The following CYP2A7 variants were observed in gnomAD, a reference collection of about 807,000 sequenced individuals.
The protein encoded by CYP2A7 is cytochrome P450 family 2 subfamily A member 7.
Under a neutral mutation model 42.0 loss-of-function variants are expected in CYP2A7, and 36 were observed. That is an observed-to-expected ratio of 0.86 (90% CI 0.66 to 1.13). CYP2A7 has a LOEUF of 1.13. Among genes scored for constraint, CYP2A7 ranks in the 50% most tolerant of loss-of-function variants. The pLI is 0.00. For synonymous variants in CYP2A7, 260 were observed against 249.5 expected (o/e 1.04, Z -0.40); for missense variants, 661 against 634.1 (o/e 1.04, Z -0.46).
chr19:40,879,757 G>C (rs1426063432), intron 4 of CYP2A7, among the ~76,000 whole-genome samples: 1 of 151,356 alleles, frequency 6.6e-6, no homozygotes, highest in Non-Finnish European at 1.5e-5. Flanking sequence ...CATTTGTCCA[G>C]GTGTTAAAAT....
chr19:40,877,354 T>C lies in CYP2A7; in HGVS notation c.997A>G (p.Arg333Gly), dbSNP rs1207072557. 1 of 1,612,536 alleles carries C rather than the reference T, an allele frequency of 6.2e-7. No individual in the cohort carries two copies. The highest frequency in any genetic ancestry group is 8.5e-7 in the Non-Finnish European group (1 of 1,179,028). ...VEAKVHEEIDRVIGKNRQPKF... is the reference protein window; with the variant it reads ...VEAKVHEEIDGVIGKNRQPKF... ...GGCTGCCGGTTCTTGCCGATCACTC[T>C]GTCAATCTCCTCATGGACCTTGGCT... is the stretch of plus-strand genomic sequence containing the variant. Residue 333 changes from arginine (R) to glycine (G), a missense_variant, in exon 7 of 9, where the codon AGA becomes GGA. This residue lies in a region of CYP2A7 where 614 missense variants were observed against 552.4 expected (regional missense o/e 1.11). Coordinates refer to ENST00000301146, the MANE Select transcript of CYP2A7 (RefSeq NM_000764.3).
Position 40,877,891 on chromosome 19 carries a change from A to G in CYP2A7, c.934T>C (p.Tyr312His). ...TGCTTCATGAGCAGCAAGAAGCCAT[A>G]GCGCAGGGTGGTGCTGACCGTCTCG... ...GTETVSTTLR[Y>H]GFLLLMKHPE... Residue 312 changes from tyrosine to histidine, a missense_variant, in exon 6 of 9, where the codon TAT becomes CAT. Coordinates refer to ENST00000301146, the MANE Select transcript of CYP2A7 (RefSeq NM_000764.3). 4 of 1,611,108 alleles carry G rather than the reference A, an allele frequency of 2.5e-6. No individual in the cohort carries two copies. The highest frequency in any genetic ancestry group is 3.4e-6 in the Non-Finnish European group (4 of 1,178,536).
intron 2 of CYP2A7, among the ~76,000 whole-genome samples, 196 bp from the exon 3 acceptor site, chr19:40,880,824 A>G (rs1204170454): frequency 1.3e-5 from 1 of 76,948 alleles, no homozygotes. Flanking sequence ...AGAGAGAGAG[A>G]GAGAGAGAGA....
At chr19:40,878,706 C>G (rs777198383) in intron 5 of CYP2A7, 54 bp downstream of exon 5, 3 of 1,597,958 alleles carry the variant, frequency 1.9e-6, no homozygotes, top group Non-Finnish European at 1.7e-6. Flanking sequence ...CACTCCCAGT[C>G]TGATTTCCCT....
In CYP2A7 at chr19:40,876,635, G is replaced by C; in HGVS notation, c.1195C>G (p.Leu399Val). 6.2e-7 allele frequency: 1 copy of C among 1,613,032 alleles called. No individual in the cohort carries two copies. The highest frequency in any genetic ancestry group is 8.5e-7 in the Non-Finnish European group (1 of 1,179,264). The change falls in exon 8 of 9, where the codon CTG becomes GTG. Residue 399 changes from leucine (L) to valine (V), a missense_variant. Transcript: ENST00000301146. ...TTGGAGAAGAAGCTGGGGTCTCTCA[G>C]CACGGAGCCCAGCATAGGGAACACT... is the stretch of plus-strand genomic sequence containing the variant. ...TEVFPMLGSVLRDPSFFSNPQ... is the reference protein window; with the variant it reads ...TEVFPMLGSVVRDPSFFSNPQ...
Position 40,875,765 on chromosome 19 carries a change from A to G in CYP2A7, c.1413T>C (p.Ile471=), listed in dbSNP as rs575233049. Residue 471 remains isoleucine (I), a synonymous_variant, in exon 9 of 9, where the codon ATT becomes ATC. Coordinates refer to ENST00000301146, the MANE Select transcript of CYP2A7 (RefSeq NM_000764.3). ...AGACCACGTGTTTGGGGGACACGTC[A>G]ATGTCCTTAGGTGACTGGGAGGACT... ...RLKSSQSPKD[I]DVSPKHVVFA... is the part of the protein sequence containing the mutation. 148 of 1,607,906 alleles carry G rather than the reference A, an allele frequency of 9.2e-5. 3 individuals carry two copies. Among genetic ancestry groups the G allele is most frequent in the East Asian group, 6.5e-4 (29 of 44,828 alleles).
At position 40,878,782 on chromosome 19, in the gene CYP2A7, G is replaced by T; in HGVS notation, c.809C>A (p.Ser270Tyr). The T allele has an allele frequency of 6.2e-7, 1 of 1,611,560 alleles. No homozygotes were observed. Among genetic ancestry groups the T allele is most frequent in the South Asian group, 1.1e-5 (1 of 90,874 alleles). Residue 270 changes from serine to tyrosine, a missense_variant, in exon 5 of 9, where the codon TCC becomes TAC. By Grantham distance (144) the Ser-to-Tyr change is moderately radical (BLOSUM62 -2). Around this residue, in one of 3 missense-constraint regions of CYP2A7, gnomAD observed 614 missense variants for 552.4 expected, o/e 1.11. Coordinates refer to ENST00000301146, the MANE Select transcript of CYP2A7 (RefSeq NM_000764.3). ...TACCTCCTGCATGTGGATGAGAAAGGAGTCGATGAAGTCCTGTGGGGAATT... is the reference window on the plus strand; with the variant it reads ...TACCTCCTGCATGTGGATGAGAAAGTAGTCGATGAAGTCCTGTGGGGAATT... ...DPNSPQDFID[S>Y]FLIHMQEEEK... is the part of the protein sequence containing the mutation.
chr19:40,877,139 A>G (rs1427446876), intron 7 of CYP2A7, 51 bp downstream of exon 7: 2 of 1,591,734 alleles, frequency 1.3e-6, no homozygotes. Context: ...TTCTGGGGAC[A>G]CAGAGAAGGG....
Position 40,878,003 on chromosome 19 carries a change from GA to G in CYP2A7, c.832-11del. The G allele has an allele frequency of 1.2e-6, 2 of 1,608,976 alleles. No homozygotes were observed. The highest frequency in any genetic ancestry group is 2.2e-5 in the South Asian group (2 of 90,868). ...TGGGGTTCTTCTCCTCCTGCAGGGAGAGGGGGCTTTAGGCCAACCTCACTCC... is the reference window on the plus strand; with the variant it reads ...TGGGGTTCTTCTCCTCCTGCAGGGAGGGGGGCTTTAGGCCAACCTCACTCC... On this transcript the variant is annotated splice_polypyrimidine_tract_variant and intron_variant, in intron 5 of 8. Coordinates refer to ENST00000301146, the MANE Select transcript of CYP2A7 (RefSeq NM_000764.3).
intron 5 of CYP2A7, 61 bp downstream of exon 5, chr19:40,878,699 T>C: frequency 1.3e-6 from 2 of 1,595,546 alleles, no homozygotes; most frequent in Non-Finnish European, 1.7e-6. Context: ...CCCGCCCCAC[T>C]CCCAGTCTGA....
intron 5 of CYP2A7, among the ~76,000 whole-genome samples, chr19:40,878,524 A>G (rs1036117715): frequency 3.0e-4 from 45 of 151,810 alleles, no homozygotes; most frequent in Admixed American, 2.4e-3. Context: ...TAGTAGAGAC[A>G]GGGTTTGACC....
intron 2 of CYP2A7, among the ~76,000 whole-genome samples, 177 bp from the exon 3 acceptor site, chr19:40,880,805 G>GAGAGAGAGAGAGAGAA: frequency 2.3e-4 from 1 of 4,438 alleles, no homozygotes; most frequent in African/African-American, 6.4e-4. Context: ...GAGGGAGAGA[G>GAGAGAGAGAGAGAGAA]AGAGAGAGAG....
Position 40,878,695 on chromosome 19 carries a change from C to A in CYP2A7, c.831+65G>T, listed in dbSNP as rs1275276134. 1.1e-5 allele frequency: 18 copies of A among 1,591,668 alleles called. No individual in the cohort carries two copies. The African/African-American group carries it at 2.1e-4, about 19-fold the overall frequency. ...AACGGGTCTGTGTCGTCTGCCCGCCCCACTCCCAGTCTGATTTCCCTCTGC... is the reference window on the plus strand; with the variant it reads ...AACGGGTCTGTGTCGTCTGCCCGCCACACTCCCAGTCTGATTTCCCTCTGC... On this transcript the variant is annotated intron_variant, in intron 5 of 8. Transcript: ENST00000301146.
rs558347295 is a variant in CYP2A7, at chr19:40,880,621, C to G, written c.351G>C (p.Ala117=). The change falls in exon 3 of 9, where the codon GCG becomes GCC. Residue 117 remains alanine (A), a synonymous_variant. Coordinates refer to ENST00000301146, the MANE Select transcript of CYP2A7 (RefSeq NM_000764.3). The part of the protein sequence containing the change: ...FDWVFKGYGV[A]FSNGERAKQL... Reference sequence around the variant, plus strand: ...GCTTGGCGCGCTCCCCGTTGCTGAACGCCACGCCTGGGGAGGTCAAGGCGG... The same window carrying G: ...GCTTGGCGCGCTCCCCGTTGCTGAAGGCCACGCCTGGGGAGGTCAAGGCGG... 6.9e-7 allele frequency: 1 copy of G among 1,446,568 alleles called. No homozygotes were observed. Among genetic ancestry groups the G allele is most frequent in the Non-Finnish European group, 9.6e-7 (1 of 1,043,552 alleles). The allele number at this position is 1,446,568 out of a possible 1,614,324, so 89.6% of individuals were successfully genotyped here. A position where few individuals can be genotyped will look rare whatever the true frequency, so the allele number is the denominator to read the frequency against.
rs1060087 is a variant in CYP2A7, at chr19:40,875,644, C to T, written c.*49G>A. The T allele has an allele frequency of 1.2e-6, 2 of 1,610,826 alleles. No homozygotes were observed. The highest frequency in any genetic ancestry group is 1.7e-6 in the Non-Finnish European group (2 of 1,177,922). ...TCTTCCGCGAACCCCGCCCTGACCC[C>T]GCCTTTCCCTGGCCCCGCCCACCAG... On this transcript the variant is annotated 3_prime_UTR_variant, in exon 9 of 9. Transcript: ENST00000301146.
Position 40,882,123 on chromosome 19 carries a change from T to C in CYP2A7, c.88A>G (p.Arg30Gly). ...LMSVWQQRKS[R>G]GKLPPGPTPL... ...GTGGGTCCCGGAGGCAGCTTCCCCC[T>C]GCTCTTCCTCTGCTGCCAGACAGAC... The change falls in exon 1 of 9, where the codon AGG becomes GGG. Residue 30 changes from arginine to glycine, a missense_variant. By Grantham distance (125) the Arg-to-Gly change is moderately radical (BLOSUM62 -2). Around this residue, in one of 3 missense-constraint regions of CYP2A7, gnomAD observed 614 missense variants for 552.4 expected, o/e 1.11. Coordinates refer to ENST00000301146, the MANE Select transcript of CYP2A7 (RefSeq NM_000764.3). 2 of 1,613,970 alleles carry C rather than the reference T, an allele frequency of 1.2e-6. No homozygotes were observed. The highest frequency in any genetic ancestry group is 2.7e-5 in the African/African-American group (2 of 75,024).
chr19:40,879,729 G>C (rs577880454), intron 4 of CYP2A7, among the ~76,000 whole-genome samples: 2 of 151,654 alleles, frequency 1.3e-5, no homozygotes, highest in African/African-American at 4.8e-5. Context: ...AGGCATGCAG[G>C]AGGCGGGTTG....
At chr19:40,881,556 T>C (rs769386794) in intron 2 of CYP2A7, 33 bp downstream of exon 2, 5 of 1,610,208 alleles carry the variant, frequency 3.1e-6, no homozygotes, top group Non-Finnish European at 3.4e-6. Flanking sequence ...CGTGTCCGCC[T>C]GGCCACCTTC....
intron 3 of CYP2A7, 58 bp downstream of exon 3, chr19:40,880,421 G>C (rs1421739854): frequency 6.3e-7 from 1 of 1,586,946 alleles, no homozygotes; most frequent in South Asian, 1.1e-5. Flanking sequence ...ACGCGCGCGG[G>C]TTCCTCGTCC....
Sources: gnomAD v4.1 joint callset for allele counts (sites outside exome capture counted in the v4.1 genomes callset) on GRCh38, gnomAD v4.1.1 for gene constraint, gnomAD v4.1.1 regional missense constraint, MANE v1.5 for transcripts, NCBI Gene and HGNC (gene_info 2026-07-23, HGNC 2026-07-21) for gene names.